AGAP1: variants seen among roughly 807,000 people sequenced by gnomAD.
AGAP1 encodes the protein arf-GAP with GTPase, ANK repeat and PH domain-containing protein 1.
In AGAP1, 29 loss-of-function variants were observed where a neutral mutation model predicts 105.3. The observed-to-expected ratio is 0.28, with a 90% CI of 0.21 to 0.38. The LOEUF (loss-of-function observed/expected upper bound fraction) is 0.38, where lower values mean the gene tolerates loss of function less well. Ranked by LOEUF, AGAP1 falls within the 10% of genes least tolerant of loss-of-function variation. The probability of loss-of-function intolerance (pLI) is 1.00; values close to 1 mark genes in which losing one functional copy is unlikely to be tolerated. For synonymous variants in AGAP1, 509 were observed against 485.9 expected (o/e 1.05, Z -0.63); for missense variants, 998 against 1,165.1 (o/e 0.86, Z 2.09).
At chr2:236,086,866 CT>C (rs1185427219) in intron 16 of AGAP1, among the ~76,000 whole-genome samples, 1 of 147,590 alleles carries the variant, frequency 6.8e-6, no homozygotes, top group Non-Finnish European at 1.5e-5. Flanking sequence ...CCCCACCCCC[CT>C]GCCCTACCTC....
chr2:235,716,036 C>T lies in AGAP1; in HGVS notation c.223-1521C>T, dbSNP rs903326758. Among the ~76,000 whole-genome samples the T allele has an allele frequency of 2.0e-5, 3 of 152,188 alleles. No individual in the cohort carries two copies. The highest frequency in any genetic ancestry group is 7.2e-5 in the African/African-American group (3 of 41,436). Reference sequence around the variant, plus strand: ...GCCTGGAGCTGGGGTGGACGGCGGCCAGGGGATGCGATTTGGGAATAGGCA... The same window carrying T: ...GCCTGGAGCTGGGGTGGACGGCGGCTAGGGGATGCGATTTGGGAATAGGCA... On this transcript the variant is annotated intron_variant, in intron 2 of 17. Transcript: ENST00000304032. This position sits in a 1 kb window ranked among gnomAD's most constrained non-coding sequence, Gnocchi z 4.0.
intron 9 of AGAP1, among the ~76,000 whole-genome samples, chr2:235,826,504 C>T (rs1251491176): frequency 1.3e-5 from 2 of 152,090 alleles, no homozygotes; most frequent in Non-Finnish European, 2.9e-5. Flanking sequence ...GGCTGGAGTG[C>T]AGTGGCACGA....
At position 235,893,947 on chromosome 2, in the gene AGAP1, C is replaced by T. The variant is rs760482949; in HGVS notation, c.1155+10498C>T. ...TCACCATGTCTTACAACATGACCTC[C>T]CTAAACTGACATAGGGTTGGGTGAA... On this transcript the variant is annotated intron_variant, in intron 10 of 17. Transcript: ENST00000304032. The surrounding 1 kb of genome is among the most constrained non-coding windows in gnomAD (Gnocchi z 4.7). 6.6e-6 allele frequency among the ~76,000 whole-genome samples: 1 copy of T among 152,108 alleles called. No individual in the cohort carries two copies. The highest frequency in any genetic ancestry group is 2.4e-5 in the African/African-American group (1 of 41,404).
In AGAP1 at chr2:235,927,615, G is replaced by T. The variant is rs979262185; in HGVS notation, c.1325-3150G>T. On this transcript the variant is annotated intron_variant, in intron 11 of 17. Coordinates refer to ENST00000304032, the MANE Select transcript of AGAP1 (RefSeq NM_001037131.3). The surrounding 1 kb of genome is among the most constrained non-coding windows in gnomAD (Gnocchi z 4.4). ...AACATTTCGTGGTCCCTTGTCTGGGGTTGAGATTGACTTGGCTCTCCTTAC... is the reference window on the plus strand; with the variant it reads ...AACATTTCGTGGTCCCTTGTCTGGGTTTGAGATTGACTTGGCTCTCCTTAC... 2.0e-5 allele frequency among the ~76,000 whole-genome samples: 3 copies of T among 152,202 alleles called. No homozygotes were observed. Among genetic ancestry groups the T allele is most frequent in the African/African-American group, 7.2e-5 (3 of 41,444 alleles).
At position 235,936,903 on chromosome 2, in the gene AGAP1, T is replaced by C. The variant is rs1422708154; in HGVS notation, c.1483+5980T>C. 6.6e-6 allele frequency among the ~76,000 whole-genome samples: 1 copy of C among 151,926 alleles called. No individual in the cohort carries two copies. The highest frequency in any genetic ancestry group is 2.4e-5 in the African/African-American group (1 of 41,374). ...GCCAAAATTCAAACCCAGATCTTTC[T>C]GATTTCAAAGCTTGTAATCATTCCC... On this transcript the variant is annotated intron_variant, in intron 12 of 17. Transcript: ENST00000304032. This position sits in a 1 kb window ranked among gnomAD's most constrained non-coding sequence, Gnocchi z 4.7.
chr2:235,548,875 G>T (rs1016625719), intron 1 of AGAP1, among the ~76,000 whole-genome samples: 1 of 152,154 alleles, frequency 6.6e-6, no homozygotes, highest in African/African-American at 2.4e-5. Context: ...CCCCGTTTTT[G>T]AACATAAAGG....
intron 1 of AGAP1, among the ~76,000 whole-genome samples, chr2:235,533,787 C>T (rs1398537662): frequency 1.3e-5 from 2 of 152,242 alleles, no homozygotes; most frequent in Non-Finnish European, 2.9e-5. Flanking sequence ...CGGTTCTGCT[C>T]CCAGGAGCTG....
rs1360668170 is a variant in AGAP1, at chr2:235,705,220, C to G, written c.164-3959C>G. Reference sequence around the variant, plus strand: ...TCTTGAACTCCTGACCTCAGGTGATCTGCGCGCCTCGGCCTCCTAAAGTGT... The same window carrying G: ...TCTTGAACTCCTGACCTCAGGTGATGTGCGCGCCTCGGCCTCCTAAAGTGT... On this transcript the variant is annotated intron_variant, in intron 1 of 17. Transcript: ENST00000304032. This position sits in a 1 kb window ranked among gnomAD's most constrained non-coding sequence, Gnocchi z 4.9. Among the ~76,000 whole-genome samples the G allele has an allele frequency of 2.6e-5, 4 of 151,944 alleles. No homozygotes were observed. Among genetic ancestry groups the G allele is most frequent in the Non-Finnish European group, 5.9e-5 (4 of 67,986 alleles).
intron 1 of AGAP1, among the ~76,000 whole-genome samples, chr2:235,584,591 A>AG (rs1559267201): frequency 6.6e-6 from 1 of 151,696 alleles, no homozygotes; most frequent in Non-Finnish European, 1.5e-5. Flanking sequence ...AAGCTGTGCT[A>AG]GGAAGAGGCA....
intron 2 of AGAP1, among the ~76,000 whole-genome samples, chr2:235,715,968 C>T (rs923283104): frequency 2.6e-5 from 4 of 152,084 alleles, no homozygotes; most frequent in Non-Finnish European, 5.9e-5. Flanking sequence ...GCATAGGTGG[C>T]GTACGGATGT....
chr2:235,820,992 T>C (rs1476300110), intron 9 of AGAP1, among the ~76,000 whole-genome samples: 1 of 152,230 alleles, frequency 6.6e-6, no homozygotes, highest in Non-Finnish European at 1.5e-5. Flanking sequence ...CTAACAGTCA[T>C]ACATGATGGA....
At chr2:235,818,194 G>A (rs773238840) in intron 9 of AGAP1, among the ~76,000 whole-genome samples, 11 of 152,146 alleles carry the variant, frequency 7.2e-5, no homozygotes, top group South Asian at 6.2e-4. Context: ...TGTACATTAC[G>A]TTGGTTGCTT....
intron 3 of AGAP1, among the ~76,000 whole-genome samples, chr2:235,738,295 C>A (rs576967566): frequency 8.9e-4 from 135 of 152,058 alleles, no homozygotes; most frequent in Non-Finnish European, 9.4e-4. Context: ...CTCCTCTGTC[C>A]CAAGCAGGGT....
chr2:235,813,940 A>C (rs1958303411), intron 9 of AGAP1, among the ~76,000 whole-genome samples: 1 of 151,290 alleles, frequency 6.6e-6, no homozygotes, highest in Admixed American at 6.6e-5. Context: ...CAGTGGCCGG[A>C]CTCTCCTCCT....
At chr2:235,847,559 C>T (rs1322070035) in intron 9 of AGAP1, among the ~76,000 whole-genome samples, 1 of 152,196 alleles carries the variant, frequency 6.6e-6, no homozygotes, top group Non-Finnish European at 1.5e-5. Context: ...TAAAACTGTT[C>T]TAGCCATAGT....
chr2:235,619,517 G>C (rs1053641204), intron 1 of AGAP1, among the ~76,000 whole-genome samples: 2 of 150,652 alleles, frequency 1.3e-5, no homozygotes, highest in Admixed American at 1.3e-4. Context: ...GGGCTGAAGT[G>C]GGGGAGCTGG....
At chr2:235,820,884 A>G (rs906237132) in intron 9 of AGAP1, among the ~76,000 whole-genome samples, 26 of 152,250 alleles carry the variant, frequency 1.7e-4, no homozygotes, top group African/African-American at 4.8e-4. Flanking sequence ...TTAACAAAGA[A>G]TGATAAAATC....
rs773937875 is a variant in AGAP1, at chr2:235,744,686, T to G, written c.397-12T>G. ...CTCAGCTCCTGCTCTCCTCCCCTTC[T>G]TCTCTCCCTAGTTTGCCATGTGGGT... is the stretch of plus-strand genomic sequence containing the variant. On this transcript the variant is annotated splice_polypyrimidine_tract_variant and intron_variant, in intron 4 of 17. Transcript: ENST00000304032. The surrounding 1 kb of genome is among the most constrained non-coding windows in gnomAD (Gnocchi z 5.2). 6.2e-6 allele frequency: 10 copies of G among 1,613,916 alleles called. No individual in the cohort carries two copies. The highest frequency in any genetic ancestry group is 3.3e-5 in the Admixed American group (2 of 60,008).
At chr2:235,524,886 A>T (rs1942770912) in intron 1 of AGAP1, among the ~76,000 whole-genome samples, 1 of 152,216 alleles carries the variant, frequency 6.6e-6, no homozygotes, top group African/African-American at 2.4e-5. Context: ...CTAGTTATTA[A>T]ATTCTAGAAA....
Sources: gnomAD v4.1 joint callset for allele counts (sites outside exome capture counted in the v4.1 genomes callset) on GRCh38, gnomAD v4.1.1 for gene constraint, Gnocchi (gnomAD v3.1) non-coding constraint, MANE v1.5 for transcripts, NCBI Gene and HGNC (gene_info 2026-07-23, HGNC 2026-07-21) for gene names.